CYP46A1: variants seen among roughly 807,000 people sequenced by gnomAD.
The protein encoded by CYP46A1 is cytochrome P450 family 46 subfamily A member 1.
In CYP46A1, 20 loss-of-function variants were observed where a neutral mutation model predicts 63.3. The observed-to-expected ratio is 0.32, with a 90% confidence interval of 0.22 to 0.46. The LOEUF is 0.46. Ranked by LOEUF, CYP46A1 falls within the 20% of genes least tolerant of loss-of-function variation. CYP46A1 has a pLI of 1.00. For synonymous variants in CYP46A1, 268 were observed against 273.6 expected (o/e 0.98, Z 0.20); for missense variants, 445 against 670.8 (o/e 0.66, Z 3.72).
chr14:99,700,617 TG>T (rs2140120356), intron 5 of CYP46A1, among the ~76,000 whole-genome samples: 1 of 152,346 alleles, frequency 6.6e-6, no homozygotes, highest in South Asian at 2.1e-4. Flanking sequence ...ATGTTTGTGG[TG>T]GTGCTGGTGT....
At chr14:99,699,982 C>A in intron 4 of CYP46A1, 33 bp from the exon 5 acceptor site, 6 of 629,302 alleles carry the variant, frequency 9.5e-6, no homozygotes, top group South Asian at 3.6e-5. Flanking sequence ...ACCCCCCACC[C>A]TCTTTCCCGC....
intron 7 of CYP46A1, chr14:99,708,402 C>A (rs943913295): frequency 1.2e-5 from 2 of 164,672 alleles, no homozygotes; most frequent in Admixed American, 6.5e-5. Context: ...CAGCCAGGGG[C>A]CTGAGGAATG....
intron 7 of CYP46A1, chr14:99,708,479 GCCGACA>G (rs1405958893): frequency 6.4e-6 from 1 of 155,710 alleles, no homozygotes; most frequent in Non-Finnish European, 1.4e-5. Context: ...TGCCCCGCTT[GCCGACA>G]CTGGCCCCCA....
chr14:99,726,583 G>A lies in CYP46A1; in HGVS notation c.1359G>A (p.Lys453=), dbSNP rs1309024775. 4.4e-6 allele frequency: 7 copies of A among 1,593,534 alleles called. No individual in the cohort carries two copies. The highest frequency in any genetic ancestry group is 1.1e-5 in the South Asian group (1 of 87,150). Residue 453 remains lysine (K), a synonymous_variant, in exon 15 of 15, where the codon AAG becomes AAA. Coordinates refer to ENST00000261835, the MANE Select transcript of CYP46A1 (RefSeq NM_006668.2). ...AQMEVKVVMA[K]LLQRLEFRLV... is the part of the protein sequence containing the mutation. ...TGGAGGTGAAGGTGGTCATGGCAAA[G>A]CTGCTGCAGAGGCTGGAGTTCCGGC...
chr14:99,718,222 A>AC, intron 10 of CYP46A1, 96 bp downstream of exon 10: 2 of 1,016,838 alleles, frequency 2.0e-6, no homozygotes, highest in Non-Finnish European at 3.0e-6. Context: ...AGTCCCCTCA[A>AC]CATGCCCTGC....
intron 9 of CYP46A1, 79 bp from the exon 10 acceptor site, chr14:99,717,975 C>A: frequency 8.6e-7 from 1 of 1,160,528 alleles, no homozygotes; most frequent in Non-Finnish European, 1.3e-6. Context: ...CCAGCACTGG[C>A]TGGCATAGAG....
chr14:99,688,000 TTGG>T (rs1273946100), intron 1 of CYP46A1, among the ~76,000 whole-genome samples: 2 of 151,816 alleles, frequency 1.3e-5, no homozygotes, highest in Non-Finnish European at 2.9e-5. Context: ...TTCCCCTTTC[TTGG>T]TGGGCCATGA....
At chr14:99,724,737 C>T (rs998628483) in intron 12 of CYP46A1, among the ~76,000 whole-genome samples, 6 of 152,236 alleles carry the variant, frequency 3.9e-5, no homozygotes, top group Non-Finnish European at 8.8e-5. Flanking sequence ...CACACACTTG[C>T]TGGAGCTCAG....
chr14:99,723,897 C>T (rs532540780), intron 12 of CYP46A1, among the ~76,000 whole-genome samples: 2 of 152,254 alleles, frequency 1.3e-5, no homozygotes, highest in African/African-American at 4.8e-5. Flanking sequence ...ATTGACTTGC[C>T]AGGGCTGTTG....
Position 99,725,344 on chromosome 14 carries a change from AGGGGAACAACCT to A in CYP46A1, c.1177-43_1177-32del, listed in dbSNP as rs749706053. 1 of 1,548,474 alleles carries A rather than the reference AGGGGAACAACCT, an allele frequency of 6.5e-7. No homozygotes were observed. Among genetic ancestry groups the A allele is most frequent in the East Asian group, 2.2e-5 (1 of 44,572 alleles). On this transcript the variant is annotated intron_variant, in intron 12 of 14. Coordinates refer to ENST00000261835, the MANE Select transcript of CYP46A1 (RefSeq NM_006668.2). The surrounding 1 kb of genome is among the most constrained non-coding windows in gnomAD (Gnocchi z 4.2). ...TGGCCTCAGTGGCTCAAGAGGTGCC[AGGGGAACAACCT>A]GGGAACCAGAGATGAGCGGACCCTT...
At chr14:99,712,303 C>T (rs1254636913) in intron 7 of CYP46A1, 2 of 152,006 alleles carry the variant, frequency 1.3e-5, no homozygotes, top group African/African-American at 4.8e-5. Flanking sequence ...AGCAGTCAGG[C>T]AAGAGAAAGA....
Position 99,725,336 on chromosome 14 carries a change from G to A in CYP46A1, c.1177-55G>A. 1 of 1,484,952 alleles carries A rather than the reference G, an allele frequency of 6.7e-7. No homozygotes were observed. The highest frequency in any genetic ancestry group is 1.1e-5 in the South Asian group (1 of 87,580). 92.0% of individuals were successfully genotyped at this position (1,484,952 alleles called of 1,614,324 possible). A position where few individuals can be genotyped will look rare whatever the true frequency, so the allele number is the denominator to read the frequency against. On this transcript the variant is annotated intron_variant, in intron 12 of 14. Transcript: ENST00000261835. This position sits in a 1 kb window ranked among gnomAD's most constrained non-coding sequence, Gnocchi z 4.2. ...CTGTTGGGTGGCCTCAGTGGCTCAA[G>A]AGGTGCCAGGGGAACAACCTGGGAA...
At chr14:99,716,698 C>A (rs968212167) in intron 9 of CYP46A1, among the ~76,000 whole-genome samples, 8 of 152,230 alleles carry the variant, frequency 5.3e-5, no homozygotes, top group Non-Finnish European at 8.8e-5. Flanking sequence ...CCACCCATCT[C>A]ATTGTGTTAA....
rs550352631 is a variant in CYP46A1 at position 99,722,063 on chromosome 14, C to T, written c.1173C>T (p.Leu391=). ...DGVRVPGNTP[L]LFSTYVMGRM... is the part of the protein sequence containing the mutation. ...TCAGAGTCCCCGGCAACACCCCGCTCTTGGTGGGTGGAGGCCCTGGGGGTC... is the reference window on the plus strand; with the variant it reads ...TCAGAGTCCCCGGCAACACCCCGCTTTTGGTGGGTGGAGGCCCTGGGGGTC... Residue 391 remains leucine (L), a synonymous_variant, in exon 12 of 15, where the codon CTC becomes CTT. Transcript: ENST00000261835. This position sits in a 1 kb window ranked among gnomAD's most constrained non-coding sequence, Gnocchi z 4.6. 2.5e-6 allele frequency: 4 copies of T among 1,610,880 alleles called. No individual in the cohort carries two copies. In the African/African-American group the frequency reaches 4.0e-5, roughly 16 times the overall value.
chr14:99,725,437 C>T lies in CYP46A1; in HGVS notation c.1223C>T (p.Pro408Leu). The T allele has an allele frequency of 3.1e-6, 5 of 1,614,178 alleles. No homozygotes were observed. Among genetic ancestry groups the T allele is most frequent in the African/African-American group, 1.3e-5 (1 of 75,052 alleles). Reference protein sequence around the residue: ...MGRMDTYFEDPLTFNPDRFGP... With the variant: ...MGRMDTYFEDLLTFNPDRFGP... ...CGGATGGACACATACTTTGAGGACCCGCTGACTTTCAACCCCGATCGCTTC... is the reference window on the plus strand; with the variant it reads ...CGGATGGACACATACTTTGAGGACCTGCTGACTTTCAACCCCGATCGCTTC... Residue 408 changes from proline (P) to leucine (L), a missense_variant, in exon 13 of 15, where the codon CCG becomes CTG. This residue lies in a region of CYP46A1 where 95 missense variants were observed against 156.9 expected (regional missense o/e 0.61). Transcript: ENST00000261835. The surrounding 1 kb of genome is among the most constrained non-coding windows in gnomAD (Gnocchi z 4.2).
At chr14:99,689,326 G>A (rs761989433) in intron 1 of CYP46A1, among the ~76,000 whole-genome samples, 1 of 152,206 alleles carries the variant, frequency 6.6e-6, no homozygotes, top group Non-Finnish European at 1.5e-5. Context: ...CCCAGTTTGA[G>A]CAGTGGGAGG....
intron 1 of CYP46A1, among the ~76,000 whole-genome samples, chr14:99,685,178 A>G (rs2056481995): frequency 6.8e-6 from 1 of 147,588 alleles, no homozygotes; most frequent in African/African-American, 2.5e-5. Context: ...TGACAACTAA[A>G]TGCAGTTCTA....
chr14:99,693,521 G>A (rs1261652136), intron 3 of CYP46A1: 1 of 152,126 alleles, frequency 6.6e-6, no homozygotes, highest in African/African-American at 2.4e-5. Context: ...ATTATTGTTA[G>A]ATTCAATTTG....
intron 10 of CYP46A1, among the ~76,000 whole-genome samples, chr14:99,719,378 AT>A (rs55679517): frequency 2.9e-4 from 41 of 142,580 alleles, no homozygotes; most frequent in African/African-American, 8.5e-4. Flanking sequence ...CACCTGGCTA[AT>A]TTTTTTTTTT....
Sources: allele counts gnomAD v4.1 joint callset (sites outside exome capture counted in the v4.1 genomes callset), GRCh38; gene constraint gnomAD v4.1.1; regional missense constraint gnomAD v4.1.1; non-coding constraint Gnocchi (gnomAD v3.1); transcripts MANE v1.5; gene names NCBI Gene and HGNC (gene_info 2026-07-23, HGNC 2026-07-21).